DLGAP1: variants seen among roughly 807,000 people sequenced by gnomAD.
The protein encoded by DLGAP1 is DLG associated protein 1.
A neutral mutation model predicts 90.8 loss-of-function variants in DLGAP1; 11 were observed. The ratio of observed to expected loss-of-function variants is 0.12; its 90% CI spans 0.08 to 0.20. The LOEUF (loss-of-function observed/expected upper bound fraction) is 0.20, where lower values mean the gene tolerates loss of function less well. Among genes scored for constraint, DLGAP1 ranks in the 10% least tolerant of loss-of-function variants. DLGAP1 has a pLI of 1.00. For missense variants in DLGAP1, 1,050 were observed against 1,333.8 expected (o/e 0.79, Z 3.31); for synonymous variants, 558 against 540.7 (o/e 1.03, Z -0.44).
chr18:3,772,821 G>C (rs2064751943), intron 5 of DLGAP1, among the ~76,000 whole-genome samples: 1 of 152,060 alleles, frequency 6.6e-6, no homozygotes, highest in Non-Finnish European at 1.5e-5. Context: ...CATCTGCATT[G>C]TAACAGGACT....
Position 3,945,103 on chromosome 18 carries a change from T to A in DLGAP1, c.-73+60013A>T, listed in dbSNP as rs147912216. Among the ~76,000 whole-genome samples the A allele has an allele frequency of 7.9e-5, 12 of 152,350 alleles. 1 individual carries two copies. In the South Asian group the frequency reaches 1.0e-3, roughly 13 times the overall value. On this transcript the variant is annotated intron_variant, in intron 3 of 12. Transcript: ENST00000315677. ...AGATAAGCTGGGTCTGAATCCCACA[T>A]GCTCTTAACTAACTTCTCTGTGCTT...
intron 5 of DLGAP1, among the ~76,000 whole-genome samples, chr18:3,803,957 CATATAT>C (rs33952757): frequency 0.036 from 2,964 of 83,458 alleles, 55 homozygotes; most frequent in South Asian, 0.054. Context: ...TATGTAGGTT[CATATAT>C]ATATATATAT....
chr18:3,596,887 C>T (rs780597057), intron 7 of DLGAP1: 11 of 519,898 alleles, frequency 2.1e-5, no homozygotes, highest in African/African-American at 1.7e-4. Flanking sequence ...TGGCCAATGC[C>T]GCCAGCATGA....
At chr18:4,039,600 GA>G (rs1373464232) in intron 2 of DLGAP1, among the ~76,000 whole-genome samples, 1 of 152,176 alleles carries the variant, frequency 6.6e-6, no homozygotes, top group African/African-American at 2.4e-5. Context: ...CCAGAAAAAT[GA>G]GAAGAATGTG....
intron 7 of DLGAP1, among the ~76,000 whole-genome samples, chr18:3,617,410 C>T (rs541073619): frequency 5.9e-5 from 9 of 151,830 alleles, no homozygotes; most frequent in Non-Finnish European, 1.3e-4. Flanking sequence ...ACTAGCTTGA[C>T]CAACATGGTG....
chr18:3,851,278 G>C (rs2069326184), intron 4 of DLGAP1, among the ~76,000 whole-genome samples: 1 of 152,130 alleles, frequency 6.6e-6, no homozygotes, highest in Admixed American at 6.5e-5. Context: ...AATCTCATTA[G>C]GGCCAGGAAA....
intron 7 of DLGAP1, among the ~76,000 whole-genome samples, chr18:3,640,558 G>GC (rs1261334846): frequency 2.6e-5 from 4 of 152,204 alleles, no homozygotes; most frequent in African/African-American, 7.2e-5. Context: ...GGCAGGTCAG[G>GC]CCCCAGGGGT....
At chr18:3,553,081 T>C (rs1287127874) in intron 9 of DLGAP1, among the ~76,000 whole-genome samples, 1 of 152,224 alleles carries the variant, frequency 6.6e-6, no homozygotes, top group Non-Finnish European at 1.5e-5. Context: ...TGTATCCTTT[T>C]TTTTCACCAT....
At chr18:4,267,236 C>A (rs2079151045) in intron 1 of DLGAP1, among the ~76,000 whole-genome samples, 1 of 152,076 alleles carries the variant, frequency 6.6e-6, no homozygotes, top group Non-Finnish European at 1.5e-5. Context: ...ATATTACAGT[C>A]AACTGCTGTC....
intron 2 of DLGAP1, among the ~76,000 whole-genome samples, chr18:4,066,582 A>G (rs1180492974): frequency 6.6e-6 from 1 of 152,260 alleles, no homozygotes; most frequent in South Asian, 2.1e-4. Context: ...ATACCTCAAC[A>G]TTACTGATTA....
intron 6 of DLGAP1, 22 bp downstream of exon 6, chr18:3,742,313 C>T: frequency 6.2e-7 from 1 of 1,609,624 alleles, no homozygotes; most frequent in South Asian, 1.1e-5. Context: ...CTCCTGACCA[C>T]CGCTGCCCTG....
At chr18:4,177,406 C>T (rs115968892) in intron 1 of DLGAP1, among the ~76,000 whole-genome samples, 2,690 of 150,444 alleles carry the variant, frequency 0.018, 86 homozygotes, top group African/African-American at 0.062. Context: ...ACTTCCTTGG[C>T]TTGCTGCTGC....
At chr18:4,260,508 A>G (rs1170243654) in intron 1 of DLGAP1, among the ~76,000 whole-genome samples, 1 of 152,218 alleles carries the variant, frequency 6.6e-6, no homozygotes, top group African/African-American at 2.4e-5. Context: ...GTGACTTATG[A>G]GGCCTGTCTT....
chr18:4,126,913 C>G (rs1298789191), intron 2 of DLGAP1, among the ~76,000 whole-genome samples: 1 of 152,202 alleles, frequency 6.6e-6, no homozygotes. Context: ...TGAGAACATC[C>G]TACAGGAAAT....
Position 3,701,659 on chromosome 18 carries a change from C to G in DLGAP1, c.1591+27476G>C, listed in dbSNP as rs79182765. Among the ~76,000 whole-genome samples, 394 of 152,226 alleles carry G rather than the reference C, an allele frequency of 2.6e-3. 5 individuals carry two copies. The East Asian group carries it at 0.028, about 11-fold the overall frequency. ...GTCTAAAGTAGAGAAGAGGTTGGTG[C>G]AGAGAAGCTCTGTGGGCTGAGTCCA... is the stretch of plus-strand genomic sequence containing the variant. On this transcript the variant is annotated intron_variant, in intron 7 of 12. Transcript: ENST00000315677.
intron 3 of DLGAP1, among the ~76,000 whole-genome samples, chr18:3,909,336 G>A (rs8084946): frequency 0.56 from 84,920 of 151,872 alleles, 23,880 homozygotes; most frequent in African/African-American, 0.6. Context: ...AAACAAAGTG[G>A]TTAAAGTTAA....
chr18:4,221,346 T>C (rs1289418627), intron 1 of DLGAP1, among the ~76,000 whole-genome samples: 1 of 152,090 alleles, frequency 6.6e-6, no homozygotes, highest in Non-Finnish European at 1.5e-5. Flanking sequence ...TCATTTACAA[T>C]AAAAATAATC....
At chr18:3,792,098 G>A (rs1402665120) in intron 5 of DLGAP1, among the ~76,000 whole-genome samples, 2 of 152,140 alleles carry the variant, frequency 1.3e-5, no homozygotes, top group African/African-American at 2.4e-5. Flanking sequence ...GAAGCCCTAT[G>A]CCCCAGCCCT....
At chr18:3,993,430 T>C (rs189249039) in intron 3 of DLGAP1, among the ~76,000 whole-genome samples, 57 of 152,294 alleles carry the variant, frequency 3.7e-4, no homozygotes, top group Non-Finnish European at 7.5e-4. Flanking sequence ...GGTCATTTAA[T>C]GACAGACTTA....
Sources: allele counts gnomAD v4.1 joint callset (sites outside exome capture counted in the v4.1 genomes callset), GRCh38; gene constraint gnomAD v4.1.1; transcripts MANE v1.5; gene names NCBI Gene and HGNC (gene_info 2026-07-23, HGNC 2026-07-21).